LDLRAD3: variants seen among roughly 807,000 people sequenced by gnomAD.
LDLRAD3 encodes low density lipoprotein receptor class A domain containing 3, also known as low-density lipoprotein receptor class A domain-containing protein 3.
In LDLRAD3, 20 loss-of-function variants were observed where a neutral mutation model predicts 29.4. The ratio of observed to expected loss-of-function variants is 0.68; its 90% CI spans 0.48 to 0.99. LDLRAD3 has a LOEUF of 0.99. Among genes scored for constraint, LDLRAD3 ranks in the 50% least tolerant of loss-of-function variants. The pLI is 0.00. For missense variants in LDLRAD3, 420 were observed against 454.3 expected (o/e 0.92, Z 0.69); for synonymous variants, 157 against 192.7 (o/e 0.81, Z 1.53).
chr11:36,182,798 T>A (rs1854783937), intron 4 of LDLRAD3, among the ~76,000 whole-genome samples: 1 of 152,208 alleles, frequency 6.6e-6, no homozygotes. Flanking sequence ...ACATCCCCCT[T>A]CATCTATTGT....
intron 4 of LDLRAD3, among the ~76,000 whole-genome samples, chr11:36,185,310 G>A (rs953125): frequency 0.048 from 7,373 of 152,214 alleles, 577 homozygotes; most frequent in African/African-American, 0.16. Context: ...TAAAGCACCA[G>A]TAACTTTAAT....
At chr11:36,104,417 A>C (rs894936121) in intron 4 of LDLRAD3, among the ~76,000 whole-genome samples, 1 of 151,962 alleles carries the variant, frequency 6.6e-6, no homozygotes, top group African/African-American at 2.4e-5. Context: ...TTAAACCTCT[A>C]AGTTTTGGGG....
intron 1 of LDLRAD3, among the ~76,000 whole-genome samples, chr11:35,969,083 C>T (rs1358188531): frequency 6.6e-6 from 1 of 152,152 alleles, no homozygotes; most frequent in South Asian, 2.1e-4. Flanking sequence ...GGGGGCACTT[C>T]CCCCTCAGGA....
At chr11:35,962,957 CAGA>C (rs1851296069) in intron 1 of LDLRAD3, among the ~76,000 whole-genome samples, 1 of 151,970 alleles carries the variant, frequency 6.6e-6, no homozygotes, top group South Asian at 2.1e-4. Flanking sequence ...GTAGATATAC[CAGA>C]AGAAGACATA....
intron 1 of LDLRAD3, among the ~76,000 whole-genome samples, chr11:35,946,281 T>C (rs903812373): frequency 1.3e-5 from 2 of 152,130 alleles, no homozygotes; most frequent in African/African-American, 2.4e-5. Context: ...ACAAGAGAGA[T>C]TGTAAAAGCC....
chr11:36,165,005 T>C (rs967748245), intron 4 of LDLRAD3, among the ~76,000 whole-genome samples: 4 of 152,228 alleles, frequency 2.6e-5, no homozygotes, highest in African/African-American at 9.6e-5. Flanking sequence ...TTGGAAAATA[T>C]AGAACAGGGA....
intron 1 of LDLRAD3, chr11:35,997,812 T>G (rs1167157881): frequency 6.4e-6 from 1 of 155,174 alleles, no homozygotes; most frequent in Admixed American, 6.5e-5. Flanking sequence ...AAAGTGAGGC[T>G]TAACTAGATT....
chr11:36,109,473 T>G (rs1258965400), intron 4 of LDLRAD3, among the ~76,000 whole-genome samples: 2 of 152,190 alleles, frequency 1.3e-5, no homozygotes, highest in South Asian at 4.1e-4. Flanking sequence ...GTTATCACCA[T>G]GGGGATACTA....
intron 2 of LDLRAD3, among the ~76,000 whole-genome samples, chr11:36,080,094 T>C (rs1049599360): frequency 6.6e-6 from 1 of 152,236 alleles, no homozygotes; most frequent in African/African-American, 2.4e-5. Flanking sequence ...GTCAGCATGT[T>C]ACAGACAGCA....
intron 3 of LDLRAD3, among the ~76,000 whole-genome samples, chr11:36,087,044 G>T (rs1853206716): frequency 6.6e-6 from 1 of 152,072 alleles, no homozygotes; most frequent in Non-Finnish European, 1.5e-5. Flanking sequence ...TCAGGGACAG[G>T]GGAATATGTT....
intron 1 of LDLRAD3, among the ~76,000 whole-genome samples, chr11:35,980,275 A>G (rs912521238): frequency 6.6e-6 from 1 of 152,196 alleles, no homozygotes; most frequent in African/African-American, 2.4e-5. Flanking sequence ...AACCACAGAA[A>G]AGAATTACTG....
At chr11:36,082,888 G>A (rs143833482) in intron 3 of LDLRAD3, among the ~76,000 whole-genome samples, 1 of 152,254 alleles carries the variant, frequency 6.6e-6, no homozygotes. Context: ...CCTGCCACTG[G>A]TCACTCTGGT....
At chr11:36,097,809 G>A (rs766816414) in intron 3 of LDLRAD3, among the ~76,000 whole-genome samples, 30 of 151,802 alleles carry the variant, frequency 2.0e-4, no homozygotes, top group Non-Finnish European at 2.6e-4. Context: ...CCTGTACCCC[G>A]TATATTTGCA....
intron 1 of LDLRAD3, chr11:36,001,187 G>GT (rs1361917017): frequency 6.6e-6 from 1 of 152,186 alleles, no homozygotes; most frequent in African/African-American, 2.4e-5. Context: ...CTTGTCAGTT[G>GT]TAAGTCTGTA....
chr11:36,055,990 CTTTTTT>C (rs67731567), intron 2 of LDLRAD3, among the ~76,000 whole-genome samples: 2 of 95,354 alleles, frequency 2.1e-5, no homozygotes, highest in Admixed American at 2.6e-4. Context: ...ACAGCTTGCC[CTTTTTT>C]TTTTTTTTTT....
intron 3 of LDLRAD3, among the ~76,000 whole-genome samples, chr11:36,085,242 G>A (rs1240293422): frequency 6.6e-6 from 1 of 151,952 alleles, no homozygotes; most frequent in African/African-American, 2.4e-5. Context: ...AGCACTTTAA[G>A]TATGCCACTT....
intron 1 of LDLRAD3, among the ~76,000 whole-genome samples, chr11:35,950,534 T>C (rs1427980211): frequency 1.3e-5 from 2 of 152,292 alleles, no homozygotes; most frequent in East Asian, 3.9e-4. Flanking sequence ...TGTGTATGTG[T>C]ATGTCTGTGT....
At chr11:36,008,915 A>G (rs1266231553) in intron 1 of LDLRAD3, among the ~76,000 whole-genome samples, 7 of 152,204 alleles carry the variant, frequency 4.6e-5, no homozygotes, top group Non-Finnish European at 1.0e-4. Context: ...TGGAGATTAT[A>G]GCAGTCTCCT....
At chr11:36,080,207 T>C (rs1422195754) in intron 2 of LDLRAD3, among the ~76,000 whole-genome samples, 16 of 152,184 alleles carry the variant, frequency 1.1e-4, no homozygotes, top group Admixed American at 1.0e-3. Flanking sequence ...AGAGGGATGC[T>C]ACATAGGGCC....
Sources: allele counts gnomAD v4.1 joint callset (sites outside exome capture counted in the v4.1 genomes callset), GRCh38; gene constraint gnomAD v4.1.1; transcripts MANE v1.5; gene names NCBI Gene and HGNC (gene_info 2026-07-23, HGNC 2026-07-21).